The following CD160 variants were observed in gnomAD, a reference collection of about 807,000 sequenced individuals.
CD160 encodes CD160 molecule.
CD160 carries 11 observed loss-of-function variants against 19.2 expected under a neutral mutation model. The ratio of observed to expected loss-of-function variants is 0.57; its 90% CI spans 0.36 to 0.95. The LOEUF is 0.95. CD160 is among the 40% of genes least tolerant of loss of function. The pLI is 0.01. For synonymous variants in CD160, 75 were observed against 81.1 expected (o/e 0.93, Z 0.40); for missense variants, 182 against 213.2 (o/e 0.85, Z 0.91).
At chr1:145,730,464 G>T (rs1157751744) in intron 3 of CD160, among the ~76,000 whole-genome samples, 1 of 152,130 alleles carries the variant, frequency 6.6e-6, no homozygotes, top group Non-Finnish European at 1.5e-5. Flanking sequence ...GTTAAGTGGA[G>T]GAACAAATAA....
intron 3 of CD160, among the ~76,000 whole-genome samples, chr1:145,728,979 A>T (rs1657175517): frequency 6.6e-6 from 1 of 152,164 alleles, no homozygotes; most frequent in African/African-American, 2.4e-5. Context: ...TGCAATCTTC[A>T]TTAACTTCAG....
At chr1:145,735,768 T>A (rs1657460589) in intron 4 of CD160, among the ~76,000 whole-genome samples, 1 of 152,178 alleles carries the variant, frequency 6.6e-6, no homozygotes, top group Non-Finnish European at 1.5e-5. Context: ...AGAATTACTT[T>A]AAGATCTATC....
intron 5 of CD160, 167 bp from the exon 6 acceptor site, chr1:145,738,319 G>C (rs782512797): frequency 4.9e-6 from 2 of 410,598 alleles, no homozygotes; most frequent in Non-Finnish European, 8.8e-6. Context: ...CCCTAATTTA[G>C]TAATAAGATG....
At chr1:145,731,662 CTG>C (rs1225174059) in intron 4 of CD160, among the ~76,000 whole-genome samples, 2 of 152,068 alleles carry the variant, frequency 1.3e-5, no homozygotes, top group Non-Finnish European at 2.9e-5. Context: ...TAGAGCGAAA[CTG>C]TGTCTCAAAA....
chr1:145,720,132 C>T (rs1656770671), intron 1 of CD160, among the ~76,000 whole-genome samples: 1 of 152,166 alleles, frequency 6.6e-6, no homozygotes, highest in African/African-American at 2.4e-5. Context: ...ATTTTCAAAT[C>T]TCATTACAGT....
chr1:145,727,742 G>A (rs1039927115), intron 2 of CD160, among the ~76,000 whole-genome samples: 6 of 152,174 alleles, frequency 3.9e-5, no homozygotes, highest in Non-Finnish European at 5.9e-5. Context: ...ACAATTCACA[G>A]ACAAGGGAAT....
chr1:145,722,588 T>A (rs1469614515), intron 1 of CD160, among the ~76,000 whole-genome samples: 10 of 152,102 alleles, frequency 6.6e-5, no homozygotes, highest in Non-Finnish European at 1.3e-4. Context: ...TAAGTTTTTT[T>A]TGTTTTTATT....
intron 4 of CD160, among the ~76,000 whole-genome samples, chr1:145,735,008 G>A (rs1383169862): frequency 6.6e-6 from 1 of 152,092 alleles, no homozygotes; most frequent in Non-Finnish European, 1.5e-5. Context: ...TTGGGAGGCT[G>A]AGGCAGGAGA....
intron 1 of CD160, among the ~76,000 whole-genome samples, chr1:145,720,934 G>C (rs978460681): frequency 6.6e-6 from 1 of 152,308 alleles, no homozygotes; most frequent in East Asian, 1.9e-4. Flanking sequence ...TCGCCTGAGA[G>C]AGGCACCGAG....
chr1:145,730,997 CT>C lies in CD160; in HGVS notation c.328del (p.Tyr110ThrfsTer31), dbSNP rs1657269783. ...AAGTCACACCGTTGCACAGTGGGAC[CT>C]ACCAGTGTTGTGCCAGAAGCCAGAA... is the stretch of plus-strand genomic sequence containing the variant. The part of the protein sequence containing the change: ...SQVTPLHSGT[Y>X]QCCARSQKSG... On this transcript the variant is annotated frameshift_variant, in exon 4 of 6. Transcript: ENST00000369288. LOFTEE classifies it high-confidence loss of function. The C allele has an allele frequency of 6.2e-7, 1 of 1,614,028 alleles. No homozygotes were observed.
chr1:145,733,736 T>C (rs143357151), intron 4 of CD160, among the ~76,000 whole-genome samples: 498 of 152,200 alleles, frequency 3.3e-3, no homozygotes, highest in African/African-American at 0.011. Flanking sequence ...GGCTGTTCTT[T>C]TGTCTTCTCT....
At chr1:145,735,212 A>G (rs1657434157) in intron 4 of CD160, among the ~76,000 whole-genome samples, 1 of 152,210 alleles carries the variant, frequency 6.6e-6, no homozygotes. Flanking sequence ...TTTAATCTCC[A>G]TGGTCTTTTG....
chr1:145,728,692 C>T (rs1232085803), intron 3 of CD160, among the ~76,000 whole-genome samples: 1 of 151,816 alleles, frequency 6.6e-6, no homozygotes, highest in Non-Finnish European at 1.5e-5. Context: ...TTAGTAGAGA[C>T]GGGGTTTCAC....
intron 5 of CD160, 200 bp from the exon 6 acceptor site, chr1:145,738,286 A>C (rs1657578087): frequency 2.7e-6 from 1 of 370,968 alleles, no homozygotes; most frequent in East Asian, 3.9e-5. Context: ...TCCCACCAGA[A>C]TCAGATTTGC....
intron 1 of CD160, among the ~76,000 whole-genome samples, chr1:145,723,220 A>G (rs1381616807): frequency 5.9e-5 from 9 of 152,146 alleles, no homozygotes; most frequent in Admixed American, 3.9e-4. Flanking sequence ...AAATGTATAG[A>G]TAAGTACAGA....
chr1:145,733,370 C>T (rs1553709667), intron 4 of CD160, among the ~76,000 whole-genome samples: 1 of 152,132 alleles, frequency 6.6e-6, no homozygotes. Flanking sequence ...AACTCCTGAC[C>T]TCAGGTGATC....
At chr1:145,725,310 C>T (rs1553708244) in intron 2 of CD160, among the ~76,000 whole-genome samples, 1 of 150,294 alleles carries the variant, frequency 6.7e-6, no homozygotes, top group Non-Finnish European at 1.5e-5. Context: ...CCCAGATACT[C>T]GGCAGGCGCC....
At chr1:145,721,715 G>T (rs1553707813) in intron 1 of CD160, among the ~76,000 whole-genome samples, 2 of 151,518 alleles carry the variant, frequency 1.3e-5, no homozygotes, top group African/African-American at 4.9e-5. Flanking sequence ...AGGACTGGAA[G>T]CCAGATCTCC....
chr1:145,737,704 A>T (rs1049653592), intron 5 of CD160: 1 of 151,424 alleles, frequency 6.6e-6, no homozygotes, highest in Non-Finnish European at 1.5e-5. Flanking sequence ...GTCTAGCCAT[A>T]CAACCTACTA....
Sources: allele counts gnomAD v4.1 joint callset (sites outside exome capture counted in the v4.1 genomes callset), GRCh38; gene constraint gnomAD v4.1.1; transcripts MANE v1.5; gene names NCBI Gene and HGNC (gene_info 2026-07-23, HGNC 2026-07-21).